FRMPD3: variants seen among roughly 807,000 people sequenced by gnomAD.
FRMPD3 encodes FERM and PDZ domain containing 3, also known as FERM and PDZ domain-containing protein 3.
A neutral mutation model predicts 97.9 loss-of-function variants in FRMPD3; 42 were observed. The ratio of observed to expected loss-of-function variants is 0.43; its 90% CI spans 0.34 to 0.55. The LOEUF is 0.55. FRMPD3 is among the 20% of genes least tolerant of loss of function. FRMPD3 has a pLI of 0.03. For missense variants in FRMPD3, 1,303 were observed against 1,457.7 expected (o/e 0.89, Z 1.73); for synonymous variants, 577 against 581.1 (o/e 0.99, Z 0.10).
chrX:107,523,588 CAGTT>C (rs1360291700), intron 1 of FRMPD3, among the ~76,000 whole-genome samples: 1 of 111,369 alleles, frequency 9.0e-6, no homozygotes. Context: ...CTACCAGTCT[CAGTT>C]AGCACTGTAA....
intron 6 of FRMPD3, among the ~76,000 whole-genome samples, chrX:107,551,331 TG>T (rs1402152528): frequency 2.7e-5 from 3 of 111,301 alleles, no homozygotes; most frequent in African/African-American, 9.8e-5. Context: ...GAGGGGGCAT[TG>T]AAACAGAACT....
At chrX:107,526,207 C>T (rs1922690334) in intron 1 of FRMPD3, among the ~76,000 whole-genome samples, 1 of 112,386 alleles carries the variant, frequency 8.9e-6, no homozygotes. Flanking sequence ...TCCTGCAAGG[C>T]TTTGGTTTCC....
chrX:107,516,561 C>T (rs746924620), intron 1 of FRMPD3, among the ~76,000 whole-genome samples: 110 of 111,404 alleles, frequency 9.9e-4, no homozygotes, highest in African/African-American at 3.4e-3. Context: ...TTTTAATGAT[C>T]GCCATTCGAA....
chrX:107,496,284 G>T (rs1218710353), intron 1 of FRMPD3, among the ~76,000 whole-genome samples: 2 of 111,623 alleles, frequency 1.8e-5, no homozygotes, highest in African/African-American at 6.5e-5. Flanking sequence ...ACTTCTGGGA[G>T]ATGGTGCCAC....
intron 7 of FRMPD3, among the ~76,000 whole-genome samples, chrX:107,554,103 C>A (rs924491138): frequency 8.1e-5 from 9 of 111,606 alleles, no homozygotes; most frequent in Admixed American, 7.6e-4. Flanking sequence ...TCCCTTCCTG[C>A]CTAGTGTCTT....
Position 107,563,095 on chromosome X carries a change from A to G in FRMPD3, c.1027-16A>G. The G allele has an allele frequency of 8.4e-7, 1 of 1,189,396 alleles. No homozygotes were observed. The highest frequency in any genetic ancestry group is 1.1e-6 in the Non-Finnish European group (1 of 877,482). On this transcript the variant is annotated splice_polypyrimidine_tract_variant and intron_variant, in intron 10 of 14. Coordinates refer to ENST00000683843, the MANE Select transcript of FRMPD3 (RefSeq NM_001388459.1). ...CCCCTCAGGCTTCTCATATTTCTGG[A>G]TGGGTTTTTCCACAGGGCTCTGCAA...
chrX:107,486,086 G>T (rs1921495948), intron 1 of FRMPD3, among the ~76,000 whole-genome samples: 1 of 112,277 alleles, frequency 8.9e-6, no homozygotes, highest in Admixed American at 9.4e-5. Flanking sequence ...CTTTATTCAA[G>T]CTGCATAAAA....
intron 1 of FRMPD3, among the ~76,000 whole-genome samples, chrX:107,456,662 A>G (rs1210793318): frequency 8.9e-6 from 1 of 112,088 alleles, no homozygotes; most frequent in Non-Finnish European, 1.9e-5. Context: ...GGCTTGTTTG[A>G]CGGACGTTCC....
Position 107,604,435 on chromosome X carries a change from C to T in FRMPD3, c.*1062C>T, listed in dbSNP as rs1461134622. 2 of 110,258 alleles carry T rather than the reference C, an allele frequency of 1.8e-5. No individual in the cohort carries two copies. The highest frequency in any genetic ancestry group is 3.3e-5 in the African/African-American group (1 of 30,172). 9.1% of individuals were successfully genotyped at this position (110,258 alleles called of 1,213,427 possible). A position where few individuals can be genotyped will look rare whatever the true frequency, so the allele number is the denominator to read the frequency against. ...TGTCTCTCTAAGAAAAGAAGCTGAG[C>T]GCCTTACCCGGTGCAGTCCTGCACC... On this transcript the variant is annotated 3_prime_UTR_variant, in exon 15 of 15. Transcript: ENST00000683843.
chrX:107,523,536 A>G lies in FRMPD3; in HGVS notation c.-7-3046A>G, dbSNP rs577124027. 1.3e-4 allele frequency among the ~76,000 whole-genome samples: 14 copies of G among 111,919 alleles called. No homozygotes were observed. The South Asian group carries it at 4.9e-3, about 39-fold the overall frequency. On this transcript the variant is annotated intron_variant, in intron 1 of 14. Transcript: ENST00000683843. Reference sequence around the variant, plus strand: ...GAGTCTTCTCCAGCTTCTCTGCCCCATCTTCTGAACACCCAAGTTGGAACT... The same window carrying G: ...GAGTCTTCTCCAGCTTCTCTGCCCCGTCTTCTGAACACCCAAGTTGGAACT...
In FRMPD3 at chrX:107,601,630, C is replaced by T; in HGVS notation, c.3591C>T (p.Ala1197=). The T allele has an allele frequency of 8.3e-7, 1 of 1,210,926 alleles. No individual in the cohort carries two copies. The highest frequency in any genetic ancestry group is 1.7e-5 in the African/African-American group (1 of 57,866). ...SRKLETTLNG[A]HSTSEGPAKP... ...AGCTTGAAACAACTCTCAATGGAGC[C>T]CACTCGACCTCTGAAGGCCCTGCCA... The change falls in exon 15 of 15, where the codon GCC becomes GCT. Residue 1197 remains alanine (A), a synonymous_variant. Transcript: ENST00000683843.
rs773652581 is a variant in FRMPD3 at position 107,509,103 on chromosome X, T to G, written c.-7-17479T>G. On this transcript the variant is annotated intron_variant, in intron 1 of 14. Transcript: ENST00000683843. Reference sequence around the variant, plus strand: ...CCCGCTCCCCCCAGCTTGGCCTCTGTGAGCTGAAACCTGAAACCTGAATGT... The same window carrying G: ...CCCGCTCCCCCCAGCTTGGCCTCTGGGAGCTGAAACCTGAAACCTGAATGT... Among the ~76,000 whole-genome samples, 378 of 112,112 alleles carry G rather than the reference T, an allele frequency of 3.4e-3. 3 individuals carry two copies. Among genetic ancestry groups the G allele is most frequent in the African/African-American group, 0.012 (358 of 30,870 alleles).
At chrX:107,480,482 C>T (rs1262082952) in intron 1 of FRMPD3, among the ~76,000 whole-genome samples, 1 of 110,884 alleles carries the variant, frequency 9.0e-6, no homozygotes, top group African/African-American at 3.3e-5. Context: ...TGCCTCATAC[C>T]TCCTATGGGC....
At position 107,601,425 on chromosome X, in the gene FRMPD3, A is replaced by G. The variant is rs761437970; in HGVS notation, c.3386A>G (p.Tyr1129Cys). The change falls in exon 15 of 15, where the codon TAC becomes TGC. Residue 1129 changes from tyrosine (Y) to cysteine (C), a missense_variant. Physicochemically the swap from Tyr to Cys is radical, Grantham distance 194 (BLOSUM62 -2). Transcript: ENST00000683843. ...EETSLVPRATYPMALQSPSCQ... is the reference protein window; with the variant it reads ...EETSLVPRATCPMALQSPSCQ... Reference sequence around the variant, plus strand: ...ACCAGCCTGGTTCCCCGAGCTACCTACCCCATGGCTCTGCAGAGCCCCAGC... The same window carrying G: ...ACCAGCCTGGTTCCCCGAGCTACCTGCCCCATGGCTCTGCAGAGCCCCAGC... The G allele has an allele frequency of 7.6e-6, 9 of 1,183,338 alleles. No individual in the cohort carries two copies. The East Asian group carries it at 2.8e-4, about 37-fold the overall frequency.
chrX:107,455,042 T>C (rs1931352447), intron 1 of FRMPD3, among the ~76,000 whole-genome samples: 1 of 111,863 alleles, frequency 8.9e-6, no homozygotes, highest in African/African-American at 3.3e-5. Flanking sequence ...CCCCAGGATC[T>C]CCTAAACGTA....
At chrX:107,505,168 C>T (rs922054160) in intron 1 of FRMPD3, among the ~76,000 whole-genome samples, 3 of 112,149 alleles carry the variant, frequency 2.7e-5, no homozygotes, top group Non-Finnish European at 5.6e-5. Context: ...TGTCTAGTGG[C>T]TTTATACTTT....
intron 2 of FRMPD3, among the ~76,000 whole-genome samples, chrX:107,530,039 G>A (rs1293017591): frequency 8.9e-6 from 1 of 112,177 alleles, no homozygotes; most frequent in East Asian, 2.8e-4. Context: ...TGGTTCTAGA[G>A]TACCTCCCTT....
chrX:107,523,563 A>G (rs1377497922), intron 1 of FRMPD3, among the ~76,000 whole-genome samples: 5 of 111,935 alleles, frequency 4.5e-5, no homozygotes, highest in African/African-American at 1.6e-4. Flanking sequence ...GTTGGAACTT[A>G]GTTGTAGATC....
At chrX:107,590,955 G>C (rs1199028550) in intron 13 of FRMPD3, among the ~76,000 whole-genome samples, 1 of 111,462 alleles carries the variant, frequency 9.0e-6, no homozygotes, top group Non-Finnish European at 1.9e-5. Context: ...GGAAGGGTTT[G>C]TGAAAGGCTG....
Sources: allele counts gnomAD v4.1 joint callset (sites outside exome capture counted in the v4.1 genomes callset), GRCh38; gene constraint gnomAD v4.1.1; transcripts MANE v1.5; gene names NCBI Gene and HGNC (gene_info 2026-07-23, HGNC 2026-07-21).